ZEB1: variants seen among roughly 807,000 people sequenced by gnomAD.
The protein encoded by ZEB1 is zinc finger E-box binding homeobox 1.
ZEB1 carries 21 observed loss-of-function variants against 84.9 expected under a neutral mutation model. That is an observed-to-expected ratio of 0.25 (90% CI 0.18 to 0.36). The LOEUF is 0.36. ZEB1 is among the 10% of genes least tolerant of loss of function. The probability of loss-of-function intolerance (pLI) is 1.00; values close to 1 mark genes in which losing one functional copy is unlikely to be tolerated. For missense variants in ZEB1, 1,104 were observed against 1,330.2 expected (o/e 0.83, Z 2.65); for synonymous variants, 420 against 471.1 (o/e 0.89, Z 1.41).
chr10:31,351,386 T>C lies in ZEB1; in HGVS notation c.58+32094T>C, dbSNP rs117664965. ...AGTTTTTTCAGAAATGCTTTTTTAC[T>C]AGACTAAATAACTTTTCAGCATCAG... On this transcript the variant is annotated intron_variant, in intron 1 of 8. Transcript: ENST00000424869. Among the ~76,000 whole-genome samples the C allele has an allele frequency of 1.6e-4, 25 of 152,298 alleles. No homozygotes were observed. The East Asian group carries it at 4.0e-3, about 25-fold the overall frequency.
rs185384659 is a variant in ZEB1, at chr10:31,390,595, T to C, written c.59-70442T>C. On this transcript the variant is annotated intron_variant, in intron 1 of 8. Coordinates refer to ENST00000424869, the MANE Select transcript of ZEB1 (RefSeq NM_001174096.2). ...CATTTCTCTTGAAAACTAATTCTCC[T>C]TTGACAGTAACCACAGCAGTTTTCA... 1.6e-4 allele frequency among the ~76,000 whole-genome samples: 24 copies of C among 152,280 alleles called. No individual in the cohort carries two copies. In the East Asian group the frequency reaches 4.6e-3, roughly 29 times the overall value.
chr10:31,373,122 GAAAGCACTATC>G, intron 1 of ZEB1: 1 of 985,242 alleles, frequency 1.0e-6, no homozygotes, highest in Non-Finnish European at 1.2e-6. Flanking sequence ...CTTGACATAG[GAAAGCACTATC>G]AAGAAAGACT....
At chr10:31,479,455 T>A (rs1485081454) in intron 2 of ZEB1, among the ~76,000 whole-genome samples, 2 of 151,788 alleles carry the variant, frequency 1.3e-5, no homozygotes, top group East Asian at 3.9e-4. Context: ...ACAAGAAAAT[T>A]ATAGGCCAGC....
intron 1 of ZEB1, among the ~76,000 whole-genome samples, chr10:31,446,884 ATTC>A: frequency 6.6e-6 from 1 of 152,172 alleles, no homozygotes; most frequent in East Asian, 1.9e-4. Flanking sequence ...AAAAATGTAT[ATTC>A]TTTTGATTTG....
chr10:31,393,314 A>T (rs1333228065), intron 1 of ZEB1, among the ~76,000 whole-genome samples: 1 of 152,180 alleles, frequency 6.6e-6, no homozygotes, highest in East Asian at 1.9e-4. Context: ...TTCTGCTATT[A>T]TAAAAAGTGA....
chr10:31,370,831 G>A (rs1397405834), intron 1 of ZEB1, among the ~76,000 whole-genome samples: 1 of 152,104 alleles, frequency 6.6e-6, no homozygotes, highest in East Asian at 1.9e-4. Context: ...TCATATGACT[G>A]GACCTGTTTC....
chr10:31,386,061 A>C (rs988808079), intron 1 of ZEB1, among the ~76,000 whole-genome samples: 1 of 152,146 alleles, frequency 6.6e-6, no homozygotes, highest in Non-Finnish European at 1.5e-5. Context: ...AGGCAGAATT[A>C]TAGCTATAGA....
rs1372776133 is a variant in ZEB1 at position 31,473,543 on chromosome 10, G to C, written c.259+12306G>C. 2.5e-3 allele frequency among the ~76,000 whole-genome samples: 385 copies of C among 151,518 alleles called. 4 individuals carry two copies. The highest frequency in any genetic ancestry group is 8.5e-3 in the African/African-American group (349 of 41,286). ...CTTCAAGGAGAACTACAAACCACTG[G>C]TCAAGGAAATAAAAGAGGATACAAA... is the stretch of plus-strand genomic sequence containing the variant. On this transcript the variant is annotated intron_variant, in intron 2 of 8. Transcript: ENST00000424869.
intron 1 of ZEB1, among the ~76,000 whole-genome samples, chr10:31,459,869 G>A (rs1276880239): frequency 1.4e-5 from 2 of 144,676 alleles, no homozygotes; most frequent in African/African-American, 5.2e-5. Flanking sequence ...GTGTGTGTGT[G>A]TGTGTGTGTG....
chr10:31,372,798 G>A (rs556941310), intron 1 of ZEB1, among the ~76,000 whole-genome samples: 24 of 151,914 alleles, frequency 1.6e-4, no homozygotes, highest in African/African-American at 5.8e-4. Flanking sequence ...TAGGATAATT[G>A]GGGTAACTTT....
At chr10:31,482,837 T>G (rs977710318) in intron 2 of ZEB1, among the ~76,000 whole-genome samples, 8 of 151,944 alleles carry the variant, frequency 5.3e-5, no homozygotes, top group African/African-American at 1.9e-4. Flanking sequence ...AATAATTCAG[T>G]TTACAAAGTG....
At chr10:31,465,992 A>T (rs2062373534) in intron 2 of ZEB1, among the ~76,000 whole-genome samples, 1 of 152,226 alleles carries the variant, frequency 6.6e-6, no homozygotes, top group Non-Finnish European at 1.5e-5. Context: ...TTTTTACACC[A>T]GGCAAAATAA....
At chr10:31,488,293 A>C (rs2066008093) in intron 2 of ZEB1, among the ~76,000 whole-genome samples, 1 of 151,194 alleles carries the variant, frequency 6.6e-6, no homozygotes, top group Non-Finnish European at 1.5e-5. Flanking sequence ...GGATGTGTTT[A>C]GTGTCTGATT....
Position 31,528,220 on chromosome 10 carries a change from G to C in ZEB1, c.*956G>C, listed in dbSNP as rs193087933. 149 of 152,262 alleles carry C rather than the reference G, an allele frequency of 9.8e-4. No homozygotes were observed. The highest frequency in any genetic ancestry group is 3.4e-3 in the Middle Eastern group (1 of 294). The allele number at this position is 152,262 out of a possible 1,614,324, so 9.4% of individuals were successfully genotyped here. ...TGGCCTACAATAACTAGCATTTGTT[G>C]ATTTGTCTCTTGTATCAAAATTCCC... On this transcript the variant is annotated 3_prime_UTR_variant, in exon 9 of 9. Coordinates refer to ENST00000424869, the MANE Select transcript of ZEB1 (RefSeq NM_001174096.2).
chr10:31,522,963 G>A (rs992166374), intron 7 of ZEB1, among the ~76,000 whole-genome samples: 2 of 152,096 alleles, frequency 1.3e-5, no homozygotes, highest in South Asian at 2.1e-4. Flanking sequence ...TAGAAAAAGA[G>A]CCATCCTTAG....
chr10:31,390,854 T>G (rs933329000), intron 1 of ZEB1, among the ~76,000 whole-genome samples: 7 of 152,190 alleles, frequency 4.6e-5, no homozygotes, highest in Non-Finnish European at 1.0e-4. Context: ...GGAACATCTT[T>G]CCGTTTTCAT....
intron 1 of ZEB1, chr10:31,389,713 C>G (rs1446720901): frequency 6.6e-6 from 1 of 151,924 alleles, no homozygotes; most frequent in Non-Finnish European, 1.5e-5. Flanking sequence ...ATTTTAAGTT[C>G]TTAATGGCCA....
intron 1 of ZEB1, among the ~76,000 whole-genome samples, chr10:31,343,801 A>T (rs1054592701): frequency 6.6e-6 from 1 of 152,134 alleles, no homozygotes; most frequent in Non-Finnish European, 1.5e-5. Context: ...TTTGACACAG[A>T]ACCCATGAAT....
At chr10:31,371,944 T>A (rs952085837) in intron 1 of ZEB1, among the ~76,000 whole-genome samples, 11 of 152,146 alleles carry the variant, frequency 7.2e-5, no homozygotes, top group Admixed American at 7.2e-4. Flanking sequence ...AATGCCTTGG[T>A]ATCAGGTTAT....
Sources: allele counts gnomAD v4.1 joint callset (sites outside exome capture counted in the v4.1 genomes callset), GRCh38; gene constraint gnomAD v4.1.1; transcripts MANE v1.5; gene names NCBI Gene and HGNC (gene_info 2026-07-23, HGNC 2026-07-21).